Variants in NUP107 observed in about 807,000 individuals in gnomAD.
NUP107 encodes nucleoporin 107.
In NUP107, 101 loss-of-function variants were observed where a neutral mutation model predicts 141.0. The observed-to-expected ratio is 0.72, with a 90% CI of 0.61 to 0.84. The LOEUF is 0.84. Among genes scored for constraint, NUP107 ranks in the 40% least tolerant of loss-of-function variants. The pLI is 0.00. For missense variants in NUP107, 941 were observed against 1,102.7 expected (o/e 0.85, Z 2.08); for synonymous variants, 319 against 363.9 (o/e 0.88, Z 1.41).
At chr12:68,721,014 A>T in intron 14 of NUP107, 104 bp from the exon 15 acceptor site, 1 of 648,494 alleles carries the variant, frequency 1.5e-6, no homozygotes, top group Non-Finnish European at 2.7e-6. Flanking sequence ...CTATCAAGTG[A>T]ATAGGTTCAG....
At chr12:68,739,558 G>A (rs750892487) in intron 26 of NUP107, among the ~76,000 whole-genome samples, 149 of 152,264 alleles carry the variant, frequency 9.8e-4, no homozygotes, top group Non-Finnish European at 1.6e-3. Context: ...CACTACATGG[G>A]GGGGCGCGGT....
At chr12:68,721,687 G>A (rs898264126) in intron 15 of NUP107, among the ~76,000 whole-genome samples, 154 bp from the exon 16 acceptor site, 5 of 152,190 alleles carry the variant, frequency 3.3e-5, no homozygotes, top group South Asian at 2.1e-4. Context: ...TGTAGTTGGC[G>A]GAGGAAAGGT....
intron 8 of NUP107, 48 bp downstream of exon 8, chr12:68,702,832 A>G: frequency 9.1e-7 from 1 of 1,101,534 alleles, no homozygotes; most frequent in Non-Finnish European, 1.3e-6. Context: ...ACAAATTAAA[A>G]TGTTACTAAT....
At chr12:68,727,695 T>C (rs1161129865) in intron 20 of NUP107, among the ~76,000 whole-genome samples, 3 of 152,170 alleles carry the variant, frequency 2.0e-5, no homozygotes, top group African/African-American at 4.8e-5. Flanking sequence ...ATATTACATG[T>C]ATCATATGCA....
chr12:68,729,138 A>G (rs1877704179), intron 20 of NUP107, among the ~76,000 whole-genome samples: 1 of 152,242 alleles, frequency 6.6e-6, no homozygotes, highest in Non-Finnish European at 1.5e-5. Flanking sequence ...TTAGCATCAC[A>G]CGGCATTTTA....
chr12:68,728,698 C>T (rs1276130917), intron 20 of NUP107, among the ~76,000 whole-genome samples: 1 of 149,092 alleles, frequency 6.7e-6, no homozygotes, highest in African/African-American at 2.5e-5. Flanking sequence ...GCGTGAACCA[C>T]GACACCCGGC....
chr12:68,731,544 A>G, intron 21 of NUP107, 63 bp from the exon 22 acceptor site: 2 of 899,712 alleles, frequency 2.2e-6, no homozygotes, highest in South Asian at 2.1e-5. Context: ...CATTATGACT[A>G]TTTAGAGAAT....
intron 26 of NUP107, chr12:68,740,261 A>C (rs969981710): frequency 6.6e-6 from 1 of 152,228 alleles, no homozygotes; most frequent in Non-Finnish European, 1.5e-5. Context: ...GTCCAGAAAG[A>C]AGCAGTTCTC....
chr12:68,702,802 T>C lies in NUP107; in HGVS notation c.729+18T>C. 1 of 1,415,520 alleles carries C rather than the reference T, an allele frequency of 7.1e-7. No homozygotes were observed. Among genetic ancestry groups the C allele is most frequent in the Non-Finnish European group, 9.7e-7 (1 of 1,035,254 alleles). The allele number at this position is 1,415,520 out of a possible 1,614,324, so 87.7% of individuals were successfully genotyped here. On this transcript the variant is annotated intron_variant, in intron 8 of 27. Transcript: ENST00000229179. Reference sequence around the variant, plus strand: ...CAGTTACTGTAAGTTTTATATTAATTTTTTCTTTTATAAATACATACAAAT... The same window carrying C: ...CAGTTACTGTAAGTTTTATATTAATCTTTTCTTTTATAAATACATACAAAT...
chr12:68,722,040 G>A (rs1877375064), intron 16 of NUP107, 54 bp downstream of exon 16: 3 of 1,610,748 alleles, frequency 1.9e-6, no homozygotes, highest in Non-Finnish European at 2.5e-6. Context: ...GCTCTTTGAT[G>A]TTTCGTTTTA....
At chr12:68,700,972 A>T (rs964363547) in intron 7 of NUP107, 119 bp downstream of exon 7, 1 of 896,478 alleles carries the variant, frequency 1.1e-6, no homozygotes, top group South Asian at 2.1e-5. Flanking sequence ...TTTGATGCTT[A>T]TCATTTCGAA....
intron 6 of NUP107, among the ~76,000 whole-genome samples, chr12:68,699,942 G>A (rs1024422805): frequency 2.0e-5 from 3 of 151,968 alleles, no homozygotes; most frequent in South Asian, 2.1e-4. Flanking sequence ...TCACTCTGTC[G>A]CCCCAGCTGG....
chr12:68,689,677 C>A, intron 3 of NUP107, 58 bp downstream of exon 3: 1 of 1,026,674 alleles, frequency 9.7e-7, no homozygotes, highest in Non-Finnish European at 1.5e-6. Flanking sequence ...TAGCAACTAA[C>A]ATTTATTGTA....
intron 5 of NUP107, among the ~76,000 whole-genome samples, 178 bp from the exon 6 acceptor site, chr12:68,696,641 A>T (rs1168515775): frequency 1.3e-5 from 2 of 152,182 alleles, no homozygotes; most frequent in Admixed American, 6.5e-5. Flanking sequence ...TGAACCTGGG[A>T]GGTGGAGGTT....
chr12:68,708,335 A>T (rs1379832678), intron 8 of NUP107, among the ~76,000 whole-genome samples: 1 of 152,208 alleles, frequency 6.6e-6, no homozygotes, highest in Non-Finnish European at 1.5e-5. Context: ...GTACCTGTCA[A>T]GAAGTCCATG....
At position 68,727,332 on chromosome 12, in the gene NUP107, G is replaced by A. The variant is rs377246292; in HGVS notation, c.1696-19G>A. On this transcript the variant is annotated intron_variant, in intron 19 of 27. Coordinates refer to ENST00000229179, the MANE Select transcript of NUP107 (RefSeq NM_020401.4). ...ATATAAGCAGTGTATTTATAATTAT[G>A]TCTTTTTTTCCTATGAAGGAGGAAG... 7 of 1,340,178 alleles carry A rather than the reference G, an allele frequency of 5.2e-6. No homozygotes were observed. In the African/African-American group the frequency reaches 8.8e-5, roughly 17 times the overall value. The allele number at this position is 1,340,178 out of a possible 1,614,324, so 83.0% of individuals were successfully genotyped here.
In NUP107 at chr12:68,728,421, C is replaced by CTTTTT. The variant is rs775566595; in HGVS notation, c.1734+1048_1734+1052dup. ...AGCCTGGGAAACAGCGAAAACCTGTCTTTTTTTTTTTTTTTTTTTTGAGAC... is the reference window on the plus strand; with the variant it reads ...AGCCTGGGAAACAGCGAAAACCTGTCTTTTTTTTTTTTTTTTTTTTTTTTTGAGAC... On this transcript the variant is annotated intron_variant, in intron 20 of 27. Coordinates refer to ENST00000229179, the MANE Select transcript of NUP107 (RefSeq NM_020401.4). Among the ~76,000 whole-genome samples the CTTTTT allele has an allele frequency of 1.8e-4, 20 of 112,482 alleles. 1 individual carries two copies. Among genetic ancestry groups the CTTTTT allele is most frequent in the Non-Finnish European group, 3.0e-4 (17 of 57,140 alleles). 73.8% of individuals were successfully genotyped at this position (112,482 alleles called of 152,430 possible). A position where few individuals can be genotyped will look rare whatever the true frequency, so the allele number is the denominator to read the frequency against.
chr12:68,725,761 T>C lies in NUP107; in HGVS notation c.1541T>C (p.Ile514Thr). 3.2e-6 allele frequency: 5 copies of C among 1,539,724 alleles called. No individual in the cohort carries two copies. The highest frequency in any genetic ancestry group is 1.2e-5 in the South Asian group (1 of 83,912). ...VLEENQEHYH[I>T]VQKFLILGDI... ...GAAGAGAATCAAGAACATTATCATA[T>C]AGTTCAAAAGTTTCTTATCCTGGGA... The change falls in exon 18 of 28, where the codon ATA (isoleucine) becomes ACA (threonine). Residue 514 changes from isoleucine to threonine, a missense_variant. By Grantham distance (89) the Ile-to-Thr change is moderately conservative. Coordinates refer to ENST00000229179, the MANE Select transcript of NUP107 (RefSeq NM_020401.4).
At chr12:68,707,123 G>A (rs1194717259) in intron 8 of NUP107, 3 of 560,932 alleles carry the variant, frequency 5.3e-6, no homozygotes, top group African/African-American at 1.9e-5. Flanking sequence ...GCCCCAGAGA[G>A]GCTGCTGTCC....
Sources: gnomAD v4.1 joint callset for allele counts (sites outside exome capture counted in the v4.1 genomes callset) on GRCh38, gnomAD v4.1.1 for gene constraint, MANE v1.5 for transcripts, NCBI Gene and HGNC (gene_info 2026-07-23, HGNC 2026-07-21) for gene names.